The following CCDC88C variants were observed in gnomAD, a reference collection of about 807,000 sequenced individuals.
CCDC88C encodes the protein protein Daple.
CCDC88C carries 131 observed loss-of-function variants against 198.8 expected under a neutral mutation model. That is an observed-to-expected ratio of 0.66 (90% CI 0.57 to 0.76). The LOEUF (loss-of-function observed/expected upper bound fraction) is 0.76, where lower values mean the gene tolerates loss of function less well. CCDC88C is among the 30% of genes least tolerant of loss of function. CCDC88C has a pLI of 0.00. For missense variants in CCDC88C, 2,553 were observed against 2,631.6 expected, an observed-to-expected ratio of 0.97 and a Z score of 0.65; for synonymous variants, 1,166 against 1,114.7, an observed-to-expected ratio of 1.05 and a Z score of -0.92.
In CCDC88C at chr14:91,407,238, G is replaced by A. The variant is rs564287690; in HGVS notation, c.270+1421C>T. 2.0e-5 allele frequency among the ~76,000 whole-genome samples: 3 copies of A among 152,286 alleles called. No homozygotes were observed. In the South Asian group the frequency reaches 6.2e-4, roughly 32 times the overall value. On this transcript the variant is annotated intron_variant, in intron 3 of 29. Transcript: ENST00000389857. Reference sequence around the variant, plus strand: ...AACTGGGCCCAGCACAAAGCCCAATGCCACAGCACACATTCTGCCTGGCAG... The same window carrying A: ...AACTGGGCCCAGCACAAAGCCCAATACCACAGCACACATTCTGCCTGGCAG...
chr14:91,385,688 G>C (rs1232281862), intron 3 of CCDC88C, among the ~76,000 whole-genome samples: 1 of 152,176 alleles, frequency 6.6e-6, no homozygotes. Flanking sequence ...TTTTGACCAG[G>C]TGTGGTGGCT....
At chr14:91,283,247 C>T in intron 26 of CCDC88C, 82 bp downstream of exon 26, 2 of 1,402,992 alleles carry the variant, frequency 1.4e-6, no homozygotes, top group Non-Finnish European at 9.8e-7. Flanking sequence ...GGAGAGCAAC[C>T]TCTCTGATTT....
intron 10 of CCDC88C, among the ~76,000 whole-genome samples, chr14:91,330,921 A>T (rs1304849961): frequency 6.6e-6 from 1 of 151,996 alleles, no homozygotes; most frequent in African/African-American, 2.4e-5. Flanking sequence ...GGAGAAGCAG[A>T]GGGCAAGGGG....
At position 91,273,117 on chromosome 14, in the gene CCDC88C, T is replaced by C; in HGVS notation, c.5595A>G (p.Gly1865=). 6.4e-7 allele frequency: 1 copy of C among 1,571,090 alleles called. No homozygotes were observed. Among genetic ancestry groups the C allele is most frequent in the Non-Finnish European group, 8.6e-7 (1 of 1,158,158 alleles). Residue 1865 remains glycine (G), a synonymous_variant, in exon 30 of 30, where the codon GGA becomes GGG. Coordinates refer to ENST00000389857, the MANE Select transcript of CCDC88C (RefSeq NM_001080414.4). The surrounding 1 kb of genome is among the most constrained non-coding windows in gnomAD (Gnocchi z 5.6). ...SLARERTPLV[G]KAGSSCQGPG... ...GGCCCTGACAGGAGCTGCCAGCCTT[T>C]CCCACAAGTGGGGTCCGCTCCCGGG...
chr14:91,347,980 T>C (rs1453863706), intron 4 of CCDC88C, among the ~76,000 whole-genome samples: 2 of 152,184 alleles, frequency 1.3e-5, no homozygotes, highest in African/African-American at 4.8e-5. Context: ...GTGGCACATA[T>C]ACACCATGGA....
chr14:91,384,273 CTTTTTTT>C (rs3029466), intron 3 of CCDC88C: 2 of 296,876 alleles, frequency 6.7e-6, no homozygotes, highest in Non-Finnish European at 1.3e-5. Flanking sequence ...CCCCATCTCT[CTTTTTTT>C]TTTTTTTTTG....
In CCDC88C at chr14:91,339,865, C is replaced by G; in HGVS notation, c.624+19G>C. 6.4e-7 allele frequency: 1 copy of G among 1,568,880 alleles called. No individual in the cohort carries two copies. Among genetic ancestry groups the G allele is most frequent in the Non-Finnish European group, 8.6e-7 (1 of 1,156,682 alleles). On this transcript the variant is annotated intron_variant, in intron 7 of 29. Transcript: ENST00000389857. This position sits in a 1 kb window ranked among gnomAD's most constrained non-coding sequence, Gnocchi z 5.8. ...AAGCCCCTTCCCAGGCTGACCGGGC[C>G]ACCGACCCGCGGACGCACCTCGGTG... is the stretch of plus-strand genomic sequence containing the variant.
intron 15 of CCDC88C, among the ~76,000 whole-genome samples, chr14:91,311,311 A>G (rs1891812984): frequency 1.3e-5 from 2 of 152,206 alleles, no homozygotes; most frequent in African/African-American, 2.4e-5. Context: ...CCCACAGCAC[A>G]TGGAATTGCC....
chr14:91,272,691 G>A lies in CCDC88C; in HGVS notation c.6021C>T (p.Ser2007=), dbSNP rs956670576. The change falls in exon 30 of 30, where the codon AGC becomes AGT. Residue 2007 remains serine, a synonymous_variant. Coordinates refer to ENST00000389857, the MANE Select transcript of CCDC88C (RefSeq NM_001080414.4). ...CGCCGGGCTCCGGGGAGGCCGGACT[G>A]CTCTTTGAGACGCTCCCTCGACTGC... ...EDCSRGSVSK[S]SPASPEPGGD... The A allele has an allele frequency of 6.2e-7, 1 of 1,611,680 alleles. No homozygotes were observed.
At chr14:91,283,878 C>T (rs566499620) in intron 25 of CCDC88C, among the ~76,000 whole-genome samples, 1 of 152,358 alleles carries the variant, frequency 6.6e-6, no homozygotes, top group Non-Finnish European at 1.5e-5. Flanking sequence ...CTGTCCGGAA[C>T]TCCAATCCCT....
rs890995995 is a variant in CCDC88C at position 91,356,698 on chromosome 14, T to TA, written c.340+2943dup. ...GCAAATGATACCTCAATAAAGCTGT[T>TA]AAAAAAAAAAATCAGCATCCACATC... On this transcript the variant is annotated intron_variant, in intron 4 of 29. Transcript: ENST00000389857. 2.1e-4 allele frequency among the ~76,000 whole-genome samples: 32 copies of TA among 149,184 alleles called. 1 individual carries two copies. The highest frequency in any genetic ancestry group is 4.7e-4 in the Admixed American group (7 of 14,972).
At chr14:91,281,745 A>T (rs1336669123) in intron 26 of CCDC88C, among the ~76,000 whole-genome samples, 2 of 151,872 alleles carry the variant, frequency 1.3e-5, no homozygotes, top group Non-Finnish European at 2.9e-5. Flanking sequence ...CCTTTAAATC[A>T]CACTTCCACC....
rs1210795574 is a variant in CCDC88C at position 91,288,318 on chromosome 14, T to C, written c.4441+787A>G. ...CAGCCCTTAGGGAAAAGGCACAGTG[T>C]GTCCTGTGGCTGGTGGGACACAAGG... On this transcript the variant is annotated intron_variant, in intron 25 of 29. Coordinates refer to ENST00000389857, the MANE Select transcript of CCDC88C (RefSeq NM_001080414.4). The surrounding 1 kb of genome is among the most constrained non-coding windows in gnomAD (Gnocchi z 4.2). Among the ~76,000 whole-genome samples, 2 of 152,212 alleles carry C rather than the reference T, an allele frequency of 1.3e-5. No individual in the cohort carries two copies. The highest frequency in any genetic ancestry group is 4.8e-5 in the African/African-American group (2 of 41,454).
chr14:91,329,594 G>A (rs143021249), intron 10 of CCDC88C, among the ~76,000 whole-genome samples: 51 of 151,628 alleles, frequency 3.4e-4, no homozygotes, highest in African/African-American at 1.2e-3. Context: ...GTCATTCACA[G>A]GCAAGCATCA....
At position 91,277,917 on chromosome 14, in the gene CCDC88C, C is replaced by G; in HGVS notation, c.5058+5G>C. 1 of 1,491,890 alleles carries G rather than the reference C, an allele frequency of 6.7e-7. No individual in the cohort carries two copies. The highest frequency in any genetic ancestry group is 9.0e-7 in the Non-Finnish European group (1 of 1,112,144). The allele number at this position is 1,491,890 out of a possible 1,614,324, so 92.4% of individuals were successfully genotyped here. ...ACGGGCCAAGTCCGTGTCCGGATCA[C>G]TCACATGGGTGGGGGAGCTGCGGTT... On this transcript the variant is annotated splice_donor_5th_base_variant and intron_variant, in intron 29 of 29. Transcript: ENST00000389857.
rs570903169 is a variant in CCDC88C, at chr14:91,288,134, C to T, written c.4441+971G>A. The stretch of plus-strand genomic sequence containing the variant: ...TTTAGAAAAGCTCTTTCAACAAGAG[C>T]GTAAGAAAAATTCGAAGTGGTGGCC... On this transcript the variant is annotated intron_variant, in intron 25 of 29. Coordinates refer to ENST00000389857, the MANE Select transcript of CCDC88C (RefSeq NM_001080414.4). The surrounding 1 kb of genome is among the most constrained non-coding windows in gnomAD (Gnocchi z 4.2). Among the ~76,000 whole-genome samples, 49 of 152,278 alleles carry T rather than the reference C, an allele frequency of 3.2e-4. No individual in the cohort carries two copies. Among genetic ancestry groups the T allele is most frequent in the South Asian group, 1.0e-3 (5 of 4,820 alleles).
Position 91,284,560 on chromosome 14 carries a change from A to G in CCDC88C, c.4442-1043T>C, listed in dbSNP as rs1445949376. On this transcript the variant is annotated intron_variant, in intron 25 of 29. Transcript: ENST00000389857. The surrounding 1 kb of genome is among the most constrained non-coding windows in gnomAD (Gnocchi z 4.1). ...AGATGAGTGAACAGTTAGCATGAGC[A>G]GCGAACAGAGAAAGCACAATTCCAA... Among the ~76,000 whole-genome samples, 2 of 152,238 alleles carry G rather than the reference A, an allele frequency of 1.3e-5. No homozygotes were observed. Among genetic ancestry groups the G allele is most frequent in the Non-Finnish European group, 1.5e-5 (1 of 68,042 alleles).
intron 13 of CCDC88C, among the ~76,000 whole-genome samples, chr14:91,319,895 G>C (rs1401724734): frequency 6.6e-6 from 1 of 151,804 alleles, no homozygotes; most frequent in African/African-American, 2.4e-5. Flanking sequence ...TGTGGTGGTG[G>C]GTGCCTGTAA....
intron 22 of CCDC88C, among the ~76,000 whole-genome samples, chr14:91,296,832 G>C (rs990029982): frequency 6.6e-6 from 1 of 152,198 alleles, no homozygotes; most frequent in Non-Finnish European, 1.5e-5. Context: ...CTCATCTGGA[G>C]AGGGTCTTGC....
Sources: gnomAD v4.1 joint callset for allele counts (sites outside exome capture counted in the v4.1 genomes callset) on GRCh38, gnomAD v4.1.1 for gene constraint, Gnocchi (gnomAD v3.1) non-coding constraint, MANE v1.5 for transcripts, NCBI Gene and HGNC (gene_info 2026-07-23, HGNC 2026-07-21) for gene names.